Variants in ERC1 observed in about 807,000 individuals in gnomAD.
The protein encoded by ERC1 is RAB6 interacting protein 2.
Under a neutral mutation model 132.0 loss-of-function variants are expected in ERC1, and 56 were observed. The ratio of observed to expected loss-of-function variants is 0.42; its 90% CI spans 0.34 to 0.53. The LOEUF is 0.53. Ranked by LOEUF, ERC1 falls within the 20% of genes least tolerant of loss-of-function variation. The probability of loss-of-function intolerance (pLI) is 0.03; values close to 1 mark genes in which losing one functional copy is unlikely to be tolerated. For missense variants in ERC1, 1,202 were observed against 1,349.9 expected (o/e 0.89, Z 1.72); for synonymous variants, 478 against 476.1 (o/e 1.00, Z -0.05).
chr12:1,371,001 C>A lies in ERC1; in HGVS notation c.2781-832C>A, dbSNP rs940073000. Among the ~76,000 whole-genome samples the A allele has an allele frequency of 5.3e-5, 8 of 152,228 alleles. No homozygotes were observed. The East Asian group carries it at 1.5e-3, about 29-fold the overall frequency. Reference sequence around the variant, plus strand: ...GTGCTGGGATTACAGGCGCGAGCCACCACGCCTGGCCTGAATATTTTTTAA... The same window carrying A: ...GTGCTGGGATTACAGGCGCGAGCCAACACGCCTGGCCTGAATATTTTTTAA... On this transcript the variant is annotated intron_variant, in intron 15 of 18. Transcript: ENST00000360905.
Position 1,493,548 on chromosome 12 carries a change from A to AAAAAAAATATATATATATATAT in ERC1, c.*3319_*3320insAAAAAATATATATATATATATA, listed in dbSNP as rs56939346. On this transcript the variant is annotated 3_prime_UTR_variant, in exon 19 of 19. Coordinates refer to ENST00000360905, the MANE Select transcript of ERC1 (RefSeq NM_178040.4). ...ACTCCATTTAAAAAAAAAAAAAAAAAATATATATATATATATATATATATA... is the reference window on the plus strand; with the variant it reads ...ACTCCATTTAAAAAAAAAAAAAAAAAAAAAAAATATATATATATATATATATATATATATATATATATATATA... The AAAAAAAATATATATATATATAT allele has an allele frequency of 1.5e-4, 2 of 13,620 alleles. No individual in the cohort carries two copies. Among genetic ancestry groups the AAAAAAAATATATATATATATAT allele is most frequent in the Non-Finnish European group, 1.5e-4 (1 of 6,820 alleles). 0.8% of individuals were successfully genotyped at this position (13,620 alleles called of 1,614,324 possible). A position where few individuals can be genotyped will look rare whatever the true frequency, so the allele number is the denominator to read the frequency against.
At chr12:1,115,154 A>G (rs1015860042) in intron 6 of ERC1, among the ~76,000 whole-genome samples, 1 of 152,184 alleles carries the variant, frequency 6.6e-6, no homozygotes, top group Non-Finnish European at 1.5e-5. Flanking sequence ...TTCTGTTTAC[A>G]TGGCTTCCAT....
intron 18 of ERC1, among the ~76,000 whole-genome samples, chr12:1,450,527 C>G (rs1374195283): frequency 6.6e-6 from 1 of 152,208 alleles, no homozygotes; most frequent in African/African-American, 2.4e-5. Context: ...ACCACATTTT[C>G]CTTATTCATT....
chr12:1,137,569 G>A (rs1440325404), intron 7 of ERC1, among the ~76,000 whole-genome samples: 7 of 151,984 alleles, frequency 4.6e-5, no homozygotes, highest in African/African-American at 1.7e-4. Context: ...CAAAATAGGG[G>A]CCAGGAGCGG....
At chr12:1,314,431 T>G (rs905241746) in intron 15 of ERC1, among the ~76,000 whole-genome samples, 1 of 152,146 alleles carries the variant, frequency 6.6e-6, no homozygotes, top group Non-Finnish European at 1.5e-5. Flanking sequence ...AATAAGAATA[T>G]AAAGAAACAA....
At chr12:1,042,501 A>C (rs578243624) in intron 2 of ERC1, among the ~76,000 whole-genome samples, 2 of 151,678 alleles carry the variant, frequency 1.3e-5, no homozygotes, top group Non-Finnish European at 2.9e-5. Flanking sequence ...ACCTGCCACT[A>C]TGCTCACCTA....
intron 10 of ERC1, 76 bp downstream of exon 10, chr12:1,182,141 C>A: frequency 7.3e-7 from 1 of 1,375,456 alleles, no homozygotes; most frequent in Non-Finnish European, 9.9e-7. Context: ...TTACATAATG[C>A]ATATAAAAAA....
At chr12:1,453,020 C>T (rs1029780015) in intron 18 of ERC1, among the ~76,000 whole-genome samples, 1 of 152,166 alleles carries the variant, frequency 6.6e-6, no homozygotes, top group African/African-American at 2.4e-5. Context: ...TTCAGCATGT[C>T]CTTCATGCCT....
In ERC1 at chr12:992,198, T is replaced by A. The variant is rs1430924083; in HGVS notation, c.-157+876T>A. On this transcript the variant is annotated intron_variant, in intron 1 of 18. Transcript: ENST00000360905. ...CCCCAATGCCTAAAAGATCTCTTTA[T>A]ACCACCCTTTTACAGGCTTTATCCT... Among the ~76,000 whole-genome samples the A allele has an allele frequency of 2.0e-5, 3 of 152,118 alleles. No individual in the cohort carries two copies. In the East Asian group the frequency reaches 5.8e-4, roughly 29 times the overall value.
intron 12 of ERC1, among the ~76,000 whole-genome samples, chr12:1,228,148 A>T (rs1431893954): frequency 6.6e-6 from 1 of 152,176 alleles, no homozygotes; most frequent in East Asian, 1.9e-4. Context: ...TACGAAGTTT[A>T]GGATTCTTTT....
At chr12:1,069,925 A>G (rs868166042) in intron 2 of ERC1, among the ~76,000 whole-genome samples, 2 of 152,248 alleles carry the variant, frequency 1.3e-5, no homozygotes, top group Non-Finnish European at 2.9e-5. Context: ...CATAAAATGA[A>G]TGAAATCGAG....
At chr12:1,006,246 T>G (rs1016162262) in intron 1 of ERC1, among the ~76,000 whole-genome samples, 2 of 152,144 alleles carry the variant, frequency 1.3e-5, no homozygotes, top group Admixed American at 1.3e-4. Flanking sequence ...CATGAACCAC[T>G]GCACCTGGCC....
intron 18 of ERC1, among the ~76,000 whole-genome samples, chr12:1,485,623 C>T (rs2094202997): frequency 1.3e-5 from 2 of 152,076 alleles, no homozygotes; most frequent in South Asian, 4.1e-4. Context: ...GGTTTTTAGG[C>T]TTATGGTACC....
chr12:1,200,455 A>C (rs1249037959), intron 12 of ERC1, among the ~76,000 whole-genome samples: 5 of 152,114 alleles, frequency 3.3e-5, no homozygotes. Context: ...AGTAACTATC[A>C]CATTCTGTCC....
intron 7 of ERC1, among the ~76,000 whole-genome samples, chr12:1,129,689 CA>C (rs1948568547): frequency 6.6e-6 from 1 of 152,090 alleles, no homozygotes; most frequent in South Asian, 2.1e-4. Flanking sequence ...AATTCTGTAC[CA>C]AGCTGAACTC....
At chr12:1,315,983 C>T (rs2081675424) in intron 15 of ERC1, among the ~76,000 whole-genome samples, 1 of 152,042 alleles carries the variant, frequency 6.6e-6, no homozygotes, top group Non-Finnish European at 1.5e-5. Flanking sequence ...GCTCCACCTC[C>T]AGTGAGCCAT....
intron 16 of ERC1, among the ~76,000 whole-genome samples, chr12:1,389,229 G>T (rs534484747): frequency 6.6e-6 from 1 of 152,140 alleles, no homozygotes; most frequent in African/African-American, 2.4e-5. Flanking sequence ...AGTTGAATTC[G>T]AGGTTATTTA....
At chr12:1,289,084 TACACACACACACACACACAC>T (rs57334239) in intron 14 of ERC1, among the ~76,000 whole-genome samples, 19 of 102,878 alleles carry the variant, frequency 1.8e-4, no homozygotes, top group African/African-American at 2.6e-4. Flanking sequence ...ATCTGGTATG[TACACACACACACACACACAC>T]ACACACACAC....
chr12:1,269,460 C>T lies in ERC1; in HGVS notation c.2619+6295C>T, dbSNP rs77702922. On this transcript the variant is annotated intron_variant, in intron 14 of 18. Coordinates refer to ENST00000360905, the MANE Select transcript of ERC1 (RefSeq NM_178040.4). ...GTCTAAGGAAGACTAATATGACTGG[C>T]GGGCAAGAACAGTGCAAGCTATGCA... 3.9e-3 allele frequency among the ~76,000 whole-genome samples: 597 copies of T among 152,132 alleles called. 4 individuals carry two copies. Among genetic ancestry groups the T allele is most frequent in the African/African-American group, 0.013 (552 of 41,476 alleles).
Sources: allele counts gnomAD v4.1 joint callset (sites outside exome capture counted in the v4.1 genomes callset), GRCh38; gene constraint gnomAD v4.1.1; transcripts MANE v1.5; gene names NCBI Gene and HGNC (gene_info 2026-07-23, HGNC 2026-07-21).